Variants in AK4 observed in about 807,000 individuals in gnomAD.
AK4 encodes the protein adenylate kinase 4, mitochondrial.
A neutral mutation model predicts 24.6 loss-of-function variants in AK4; 13 were observed. The ratio of observed to expected loss-of-function variants is 0.53; its 90% CI spans 0.34 to 0.84. The LOEUF is 0.84. Among genes scored for constraint, AK4 ranks in the 40% least tolerant of loss-of-function variants. AK4 has a pLI of 0.01. For synonymous variants in AK4, 88 were observed against 107.0 expected (o/e 0.82, Z 1.10); for missense variants, 192 against 288.2 (o/e 0.67, Z 2.42).
chr1:65,160,318 T>G (rs148584826), intron 1 of AK4, among the ~76,000 whole-genome samples: 1 of 152,324 alleles, frequency 6.6e-6, no homozygotes, highest in African/African-American at 2.4e-5. Context: ...GTTTGGTGTC[T>G]AATAAGGCCT....
chr1:65,157,023 T>A (rs1650007554), intron 1 of AK4, among the ~76,000 whole-genome samples: 2 of 152,052 alleles, frequency 1.3e-5, no homozygotes, highest in African/African-American at 4.8e-5. Context: ...TCTGTGAAAA[T>A]TAACTATTTT....
At chr1:65,168,990 A>G (rs1424864967) in intron 1 of AK4, among the ~76,000 whole-genome samples, 2 of 152,120 alleles carry the variant, frequency 1.3e-5, no homozygotes, top group East Asian at 3.9e-4. Context: ...AGCCTGGGCA[A>G]TGTAGCAAGA....
chr1:65,187,366 A>AAAG (rs1651136394), intron 1 of AK4, among the ~76,000 whole-genome samples: 1 of 151,124 alleles, frequency 6.6e-6, no homozygotes, highest in African/African-American at 2.4e-5. Flanking sequence ...AAAAAAAAAA[A>AAAG]AAGAAGTGTC....
chr1:65,211,719 G>A (rs990735788), intron 2 of AK4, among the ~76,000 whole-genome samples: 1 of 152,156 alleles, frequency 6.6e-6, no homozygotes, highest in Non-Finnish European at 1.5e-5. Context: ...TGCAAAGCAC[G>A]CTTACAGCAC....
intron 2 of AK4, among the ~76,000 whole-genome samples, chr1:65,193,072 G>A (rs1264987763): frequency 6.6e-6 from 1 of 152,214 alleles, no homozygotes; most frequent in Non-Finnish European, 1.5e-5. Flanking sequence ...TGGGGACTCT[G>A]GGGCAGCCTT....
At chr1:65,188,468 G>GTTTTTA (rs1224014368) in intron 1 of AK4, among the ~76,000 whole-genome samples, 2 of 152,148 alleles carry the variant, frequency 1.3e-5, no homozygotes, top group African/African-American at 4.8e-5. Context: ...TCCGCTTTGT[G>GTTTTTA]TTTTTATTTT....
At chr1:65,172,824 T>A (rs1650582802) in intron 1 of AK4, among the ~76,000 whole-genome samples, 1 of 152,026 alleles carries the variant, frequency 6.6e-6, no homozygotes, top group Non-Finnish European at 1.5e-5. Flanking sequence ...CTTCGCTATT[T>A]CTACTTCTGG....
chr1:65,180,461 G>A (rs1259740284), intron 1 of AK4, among the ~76,000 whole-genome samples: 2 of 152,158 alleles, frequency 1.3e-5, no homozygotes, highest in African/African-American at 4.8e-5. Flanking sequence ...ATTGAAAGGT[G>A]GATACTGGAT....
At chr1:65,213,530 T>A (rs1652035228) in intron 2 of AK4, among the ~76,000 whole-genome samples, 1 of 152,186 alleles carries the variant, frequency 6.6e-6, no homozygotes. Flanking sequence ...TGAGGGCCTT[T>A]CTTTCCTGCT....
At chr1:65,216,112 C>T (rs1652121833) in intron 2 of AK4, among the ~76,000 whole-genome samples, 2 of 151,360 alleles carry the variant, frequency 1.3e-5, no homozygotes, top group African/African-American at 4.9e-5. Context: ...TTTATTTACC[C>T]ATGCAGTTTC....
At chr1:65,217,092 G>A (rs1285480461) in intron 2 of AK4, among the ~76,000 whole-genome samples, 1 of 152,232 alleles carries the variant, frequency 6.6e-6, no homozygotes, top group Non-Finnish European at 1.5e-5. Context: ...GTCATTGAGA[G>A]GGGACTTTAT....
chr1:65,150,301 T>C (rs563743644), intron 1 of AK4, among the ~76,000 whole-genome samples: 1 of 148,420 alleles, frequency 6.7e-6, no homozygotes, highest in Admixed American at 6.7e-5. Flanking sequence ...TTTTTTTAAC[T>C]TTCCTGTGTT....
At chr1:65,216,522 CT>C (rs1336870963) in intron 2 of AK4, among the ~76,000 whole-genome samples, 13 of 152,142 alleles carry the variant, frequency 8.5e-5, no homozygotes, top group African/African-American at 2.9e-4. Context: ...GTGAAGATAA[CT>C]TTGGAAGCCA....
At chr1:65,175,997 C>T (rs990516155) in intron 1 of AK4, among the ~76,000 whole-genome samples, 21 of 152,224 alleles carry the variant, frequency 1.4e-4, no homozygotes, top group African/African-American at 4.8e-4. Flanking sequence ...TGACATAGGA[C>T]GTCCAAAATT....
chr1:65,205,195 A>G (rs1015835259), intron 2 of AK4, among the ~76,000 whole-genome samples: 5 of 152,150 alleles, frequency 3.3e-5, no homozygotes, highest in African/African-American at 1.2e-4. Context: ...AAACATTGCA[A>G]CCATTGTTAC....
chr1:65,148,717 C>CCGCGCCTGGGGAGGAGGCCGAGGCT (rs1553120747), intron 1 of AK4, among the ~76,000 whole-genome samples, 165 bp downstream of exon 1: 11,487 of 151,576 alleles, frequency 0.076, 602 homozygotes, highest in Admixed American at 0.21. Context: ...CGCGGCTTAA[C>CCGCGCCTGGGGAGGAGGCCGAGGCT]CGCGCCTGGG....
chr1:65,225,777 A>G (rs1652436009), intron 4 of AK4, among the ~76,000 whole-genome samples: 1 of 152,132 alleles, frequency 6.6e-6, no homozygotes, highest in Admixed American at 6.6e-5. Context: ...AAAATTATAT[A>G]TTGGGGCACA....
chr1:65,204,905 AT>A (rs1651769113), intron 2 of AK4, among the ~76,000 whole-genome samples: 1 of 152,126 alleles, frequency 6.6e-6, no homozygotes, highest in South Asian at 2.1e-4. Flanking sequence ...TTTTATTTTG[AT>A]TAATCTCTTG....
At chr1:65,185,913 C>A (rs941705619) in intron 1 of AK4, among the ~76,000 whole-genome samples, 13 of 151,944 alleles carry the variant, frequency 8.6e-5, no homozygotes, top group Non-Finnish European at 1.8e-4. Flanking sequence ...CTGTGTCTGG[C>A]CTAATATGAC....
Sources: gnomAD v4.1 joint callset for allele counts (sites outside exome capture counted in the v4.1 genomes callset) on GRCh38, gnomAD v4.1.1 for gene constraint, MANE v1.5 for transcripts, NCBI Gene and HGNC (gene_info 2026-07-23, HGNC 2026-07-21) for gene names.